CAPN9: variants seen among roughly 807,000 people sequenced by gnomAD.
CAPN9 encodes the protein calpain 9.
A neutral mutation model predicts 92.8 loss-of-function variants in CAPN9; 81 were observed. The observed-to-expected ratio is 0.87, with a 90% CI of 0.73 to 1.05. The LOEUF is 1.05. Among genes scored for constraint, CAPN9 ranks in the 50% least tolerant of loss-of-function variants. The pLI, the probability that CAPN9 is intolerant of heterozygous loss-of-function variation, is 0.00. For missense variants in CAPN9, 848 were observed against 866.2 expected (o/e 0.98, Z 0.26); for synonymous variants, 304 against 328.0 (o/e 0.93, Z 0.79).
At chr1:230,780,433 A>C (rs995440314) in intron 10 of CAPN9, 67 bp from the exon 11 acceptor site, 170 of 1,601,526 alleles carry the variant, frequency 1.1e-4, no homozygotes, top group Non-Finnish European at 1.4e-4. Context: ...CCAAGAGTCC[A>C]TGAATTGTGT....
chr1:230,787,916 T>C (rs10864781), intron 13 of CAPN9, among the ~76,000 whole-genome samples: 14,878 of 152,228 alleles, frequency 0.098, 1,063 homozygotes, highest in African/African-American at 0.2. Context: ...AGTGCAGTGG[T>C]ATAAGCCTAG....
chr1:230,774,626 A>G lies in CAPN9; in HGVS notation c.948A>G (p.Glu316=), dbSNP rs769889659. 8 of 1,612,916 alleles carry G rather than the reference A, an allele frequency of 5.0e-6. No homozygotes were observed. The highest frequency in any genetic ancestry group is 3.3e-5 in the Admixed American group (2 of 59,996). ...RLCHTALDDG[E]FWMAFKDFKA... ...GTCACACTGCTCTGGATGATGGGGA[A>G]TTCTGGTACCGTGCTTGTTCCTGTG... The change falls in exon 8 of 20, where the codon GAA becomes GAG. Residue 316 remains glutamate, a synonymous_variant. Transcript: ENST00000271971.
At chr1:230,787,697 C>A in intron 13 of CAPN9, 95 bp downstream of exon 13, 1 of 983,110 alleles carries the variant, frequency 1.0e-6, no homozygotes, top group South Asian at 1.3e-5. Flanking sequence ...TCAGCAACGT[C>A]ATCCTGAGGC....
chr1:230,795,079 C>A lies in CAPN9; in HGVS notation c.1871-84C>A. 7 of 832,008 alleles carry A rather than the reference C, an allele frequency of 8.4e-6. No individual in the cohort carries two copies. In the Admixed American group the frequency reaches 8.9e-5, roughly 11 times the overall value. 51.5% of individuals were successfully genotyped at this position (832,008 alleles called of 1,614,324 possible). A position where few individuals can be genotyped will look rare whatever the true frequency, so the allele number is the denominator to read the frequency against. On this transcript the variant is annotated intron_variant, in intron 17 of 19. Transcript: ENST00000271971. ...TTCCTCTTCTGAGCCCTCTCCTCAG[C>A]TGCCTGGGAGCTCCCTCAAAGGTGC...
intron 4 of CAPN9, among the ~76,000 whole-genome samples, chr1:230,763,528 T>C (rs188001791): frequency 5.9e-5 from 9 of 152,334 alleles, no homozygotes; most frequent in East Asian, 3.9e-4. Flanking sequence ...ATGGCCTCAG[T>C]TTCCTCAGGC....
intron 11 of CAPN9, among the ~76,000 whole-genome samples, chr1:230,783,178 A>G (rs1055150319): frequency 6.6e-6 from 1 of 152,232 alleles, no homozygotes; most frequent in African/African-American, 2.4e-5. Flanking sequence ...ATGCAACTGC[A>G]CTGTTTATGC....
chr1:230,800,278 GAAA>G (rs1558124268), intron 19 of CAPN9, among the ~76,000 whole-genome samples: 1 of 131,612 alleles, frequency 7.6e-6, no homozygotes, highest in Admixed American at 7.7e-5. Flanking sequence ...AAGAAAGAAA[GAAA>G]GAAAGAAAGA....
intron 17 of CAPN9, among the ~76,000 whole-genome samples, chr1:230,794,072 A>G (rs535791625): frequency 6.6e-6 from 1 of 152,294 alleles, no homozygotes; most frequent in South Asian, 2.1e-4. Flanking sequence ...TGGAATTAGG[A>G]AGAAGCAGAA....
chr1:230,779,959 A>G (rs1481607800), intron 9 of CAPN9, among the ~76,000 whole-genome samples: 1 of 152,202 alleles, frequency 6.6e-6, no homozygotes, highest in African/African-American at 2.4e-5. Flanking sequence ...GAAAGAGAGG[A>G]TATTTTGCAT....
At position 230,762,670 on chromosome 1, in the gene CAPN9, G is replaced by A. The variant is rs1178445746; in HGVS notation, c.420G>A (p.Glu140=). The A allele has an allele frequency of 1.2e-6, 2 of 1,614,152 alleles. No individual in the cohort carries two copies. The highest frequency in any genetic ancestry group is 1.7e-6 in the Non-Finnish European group (2 of 1,179,976). The change falls in exon 4 of 20, where the codon GAG becomes GAA. Residue 140 remains glutamate (E), a synonymous_variant. Transcript: ENST00000271971. ...IFHFQFWQHS[E]WLDVVIDDRL... ...GGCAACAGTTCTGGCAGCACAGTGA[G>A]TGGCTGGACGTGGTGATCGATGACC... is the stretch of plus-strand genomic sequence containing the variant.
At chr1:230,793,583 C>T (rs937175081) in intron 17 of CAPN9, among the ~76,000 whole-genome samples, 9 of 152,194 alleles carry the variant, frequency 5.9e-5, no homozygotes, top group African/African-American at 2.2e-4. Flanking sequence ...GCAGACCTCC[C>T]GCCTGCCGGG....
chr1:230,787,911 A>C (rs577145494), intron 13 of CAPN9, among the ~76,000 whole-genome samples: 2 of 152,294 alleles, frequency 1.3e-5, no homozygotes, highest in East Asian at 3.9e-4. Flanking sequence ...GCTGGAGTGC[A>C]GTGGTATAAG....
intron 4 of CAPN9, among the ~76,000 whole-genome samples, chr1:230,764,052 T>C (rs2102856864): frequency 6.6e-6 from 1 of 152,164 alleles, no homozygotes; most frequent in East Asian, 1.9e-4. Flanking sequence ...CAAAAATGGT[T>C]GGCAGAACAG....
chr1:230,769,226 T>C lies in CAPN9; in HGVS notation c.752T>C (p.Ile251Thr), dbSNP rs144186744. The change falls in exon 6 of 20, where the codon ATT (isoleucine) becomes ACT (threonine). Residue 251 changes from isoleucine to threonine, a missense_variant. Physicochemically the swap from Ile to Thr is moderately conservative, Grantham distance 89. Coordinates refer to ENST00000271971, the MANE Select transcript of CAPN9 (RefSeq NM_006615.3). The stretch of plus-strand genomic sequence containing the variant: ...GAGGCCCGGACGCCGTTTGGTCTTA[T>C]TAAGGGTCATGCCTACAGTGTAACG... ...ESEARTPFGL[I>T]KGHAYSVTGI... 3.5e-4 allele frequency: 569 copies of C among 1,614,186 alleles called. No individual in the cohort carries two copies. The highest frequency in any genetic ancestry group is 4.9e-4 in the Middle Eastern group (3 of 6,062).
At chr1:230,759,729 A>T in intron 3 of CAPN9, 99 bp downstream of exon 3, 3 of 729,606 alleles carry the variant, frequency 4.1e-6, no homozygotes, top group Non-Finnish European at 6.8e-6. Context: ...AAAAAATGTC[A>T]TCAGATCTGT....
At chr1:230,776,872 G>A (rs12068313) in intron 8 of CAPN9, 12,739 of 152,280 alleles carry the variant, frequency 0.084, 721 homozygotes, top group African/African-American at 0.15. Context: ...AATGGAAGGA[G>A]TGGGGTGCAG....
chr1:230,754,232 A>G (rs1234555196), intron 1 of CAPN9, among the ~76,000 whole-genome samples: 2 of 152,164 alleles, frequency 1.3e-5, no homozygotes, highest in Admixed American at 1.3e-4. Context: ...GTCCAATGTC[A>G]GGAATGGAGC....
chr1:230,771,400 G>A (rs528339314), intron 6 of CAPN9, among the ~76,000 whole-genome samples: 4 of 152,302 alleles, frequency 2.6e-5, no homozygotes, highest in South Asian at 2.1e-4. Flanking sequence ...AGAGCCTGAG[G>A]GCACACAGGC....
chr1:230,795,412 G>A, intron 18 of CAPN9, 133 bp downstream of exon 18: 1 of 634,210 alleles, frequency 1.6e-6, no homozygotes, highest in Non-Finnish European at 2.9e-6. Flanking sequence ...GATGTGTGTG[G>A]ACCCATGGGC....
Sources: gnomAD v4.1 joint callset for allele counts (sites outside exome capture counted in the v4.1 genomes callset) on GRCh38, gnomAD v4.1.1 for gene constraint, MANE v1.5 for transcripts, NCBI Gene and HGNC (gene_info 2026-07-23, HGNC 2026-07-21) for gene names.